Variants in PAK4 observed in about 807,000 individuals in gnomAD.
The protein encoded by PAK4 is serine/threonine-protein kinase PAK 4.
In PAK4, 49 loss-of-function variants were observed where a neutral mutation model predicts 53.5. That is an observed-to-expected ratio of 0.92 (90% CI 0.73 to 1.16). The LOEUF (loss-of-function observed/expected upper bound fraction) is 1.16, where lower values mean the gene tolerates loss of function less well. PAK4 is among the 50% of genes most tolerant of loss of function. The pLI is 0.00. For missense variants in PAK4, 824 were observed against 850.7 expected, an observed-to-expected ratio of 0.97 and a Z score of 0.39; for synonymous variants, 376 against 375.6, an observed-to-expected ratio of 1.00 and a Z score of -0.01.
chr19:39,176,810 G>T (rs2074615305), intron 7 of PAK4, 95 bp downstream of exon 8: 1 of 1,455,208 alleles, frequency 6.9e-7, no homozygotes, highest in Admixed American at 1.8e-5. Context: ...CCAGTCTGGG[G>T]AGTCATTGCC....
chr19:39,153,592 C>CCGCCA (rs1049802608), intron 1 of PAK4, among the ~76,000 whole-genome samples: 6 of 152,202 alleles, frequency 3.9e-5, no homozygotes, highest in Admixed American at 1.3e-4. Context: ...CAGGCGCCTA[C>CCGCCA]CGCCACGCCA....
chr19:39,147,477 G>A (rs1049465372), intron 1 of PAK4, among the ~76,000 whole-genome samples: 2 of 152,154 alleles, frequency 1.3e-5, no homozygotes, highest in Admixed American at 6.5e-5. Flanking sequence ...AGAGGGTTTC[G>A]TGTGAATGTC....
intron 1 of PAK4, among the ~76,000 whole-genome samples, chr19:39,158,153 G>A (rs928606406): frequency 2.0e-5 from 3 of 151,244 alleles, no homozygotes; most frequent in Non-Finnish European, 4.4e-5. Context: ...GTGCGTGTGT[G>A]CACATGTGTG....
chr19:39,126,983 C>T (rs1046694563), intron 1 of PAK4, among the ~76,000 whole-genome samples: 10 of 152,132 alleles, frequency 6.6e-5, no homozygotes, highest in Non-Finnish European at 8.8e-5. Context: ...TTAGGTCTCT[C>T]CTGGAAGCAG....
In PAK4 at chr19:39,173,959, CAAG is replaced by C; in HGVS notation, c.1052_1054del (p.Lys351del). 1 of 1,610,234 alleles carries C rather than the reference CAAG, an allele frequency of 6.2e-7. No homozygotes were observed. The highest frequency in any genetic ancestry group is 8.5e-7 in the Non-Finnish European group (1 of 1,179,228). ...GCAGCTCGGGCAAGCTGGTGGCCGTCAAGAAGATGGACCTGCGCAAGCAGCAGA... is the reference window on the plus strand; with the variant it reads ...GCAGCTCGGGCAAGCTGGTGGCCGTCAAGATGGACCTGCGCAAGCAGCAGA... On this transcript the variant is annotated inframe_deletion, in exon 4 of 9. Transcript: ENST00000358301. This position sits in a 1 kb window ranked among gnomAD's most constrained non-coding sequence, Gnocchi z 6.9.
chr19:39,157,224 G>A (rs1412314550), intron 1 of PAK4, among the ~76,000 whole-genome samples: 1 of 151,870 alleles, frequency 6.6e-6, no homozygotes, highest in Non-Finnish European at 1.5e-5. Flanking sequence ...GGGGTCGGGG[G>A]GGTGCCTCCT....
chr19:39,167,393 G>T (rs2074395025), intron 1 of PAK4, among the ~76,000 whole-genome samples: 1 of 152,174 alleles, frequency 6.6e-6, no homozygotes, highest in Admixed American at 6.5e-5. Flanking sequence ...TGGGGTATGT[G>T]GATGACCCTG....
chr19:39,164,234 G>GC (rs1463748445), intron 1 of PAK4, among the ~76,000 whole-genome samples: 2 of 145,218 alleles, frequency 1.4e-5, no homozygotes, highest in African/African-American at 2.6e-5. Flanking sequence ...CCAAGATCAT[G>GC]CCATTGCACT....
At chr19:39,176,613 C>T in exon 7 of PAK4, 1 of 1,613,878 alleles carries the variant, frequency 6.2e-7, no homozygotes, top group Non-Finnish European at 8.5e-7. Flanking sequence ...ACTTTGGGTT[C>T]TGCGCCCAGG....
rs774548522 is a variant in PAK4 at position 39,151,926 on chromosome 19, G to A, written c.-22-17606G>A. On this transcript the variant is annotated intron_variant, in intron 1 of 8. Transcript: ENST00000358301. ...TGGGATTACAGGCATGCGCCACCACGCGCAGCTAATTTTTGTATTTTTAGT... is the reference window on the plus strand; with the variant it reads ...TGGGATTACAGGCATGCGCCACCACACGCAGCTAATTTTTGTATTTTTAGT... Among the ~76,000 whole-genome samples the A allele has an allele frequency of 5.3e-4, 80 of 152,034 alleles. 1 individual carries two copies. Among genetic ancestry groups the A allele is most frequent in the Admixed American group, 3.3e-4 (5 of 15,270 alleles).
chr19:39,160,225 C>G (rs1032443476), intron 1 of PAK4, among the ~76,000 whole-genome samples: 23 of 152,348 alleles, frequency 1.5e-4, no homozygotes, highest in African/African-American at 5.1e-4. Context: ...GTGTCTGTCT[C>G]GGCCCCATCC....
At chr19:39,155,466 G>A (rs533197551) in intron 1 of PAK4, among the ~76,000 whole-genome samples, 2 of 152,234 alleles carry the variant, frequency 1.3e-5, no homozygotes, top group South Asian at 4.1e-4. Flanking sequence ...GGGCTTCGTG[G>A]AGGAGCAGGT....
At chr19:39,160,635 C>T (rs765536785) in intron 1 of PAK4, among the ~76,000 whole-genome samples, 2 of 152,148 alleles carry the variant, frequency 1.3e-5, no homozygotes, top group Non-Finnish European at 2.9e-5. Context: ...AAGACATACA[C>T]GGAGGCAGCC....
chr19:39,180,455 T>G (rs569361496), downstream of PAK4: 1 of 152,270 alleles, frequency 6.6e-6, no homozygotes, highest in African/African-American at 2.4e-5. Flanking sequence ...GATTTTTTTT[T>G]TTTTTTTGAG....
At chr19:39,143,325 T>C (rs2073941253) in intron 1 of PAK4, among the ~76,000 whole-genome samples, 1 of 144,640 alleles carries the variant, frequency 6.9e-6, no homozygotes, top group Non-Finnish European at 1.5e-5. Flanking sequence ...GTGTGGTGGC[T>C]CACGCCTGTA....
chr19:39,155,045 G>A lies in PAK4; in HGVS notation c.-22-14487G>A, dbSNP rs545788119. Among the ~76,000 whole-genome samples, 592 of 152,310 alleles carry A rather than the reference G, an allele frequency of 3.9e-3. 3 individuals carry two copies. Among genetic ancestry groups the A allele is most frequent in the Non-Finnish European group, 6.4e-3 (433 of 68,010 alleles). ...CTTGAGGAGTTGGCTGCAGGGGCAG[G>A]GGTGTGCCAGAGCAGGGTAGTGGGA... On this transcript the variant is annotated intron_variant, in intron 1 of 8. Coordinates refer to ENST00000358301, the Ensembl canonical transcript of PAK4.
exon 2 of PAK4, chr19:39,169,553 C>T: frequency 1.9e-6 from 3 of 1,612,598 alleles, no homozygotes; most frequent in Non-Finnish European, 2.5e-6. Context: ...TCCCCGGCAC[C>T]ATGTTTGGGA....
chr19:39,157,260 A>G (rs1483276389), intron 1 of PAK4, among the ~76,000 whole-genome samples: 1 of 151,552 alleles, frequency 6.6e-6, no homozygotes, highest in Non-Finnish European at 1.5e-5. Context: ...CTTGGGGGTT[A>G]TTCCTAGGTG....
In PAK4 at chr19:39,173,779, C is replaced by A; in HGVS notation, c.867C>A (p.Pro289=). ...CTGCTGTTCCTGGGCCCCCTGGCCC[C>A]CGCTCACCACAGCGGGAGCCACAGC... Residue 289 remains proline (P), a synonymous_variant, in exon 4 of 9, where the codon CCC becomes CCA. Coordinates refer to ENST00000358301, the Ensembl canonical transcript of PAK4. This position sits in a 1 kb window ranked among gnomAD's most constrained non-coding sequence, Gnocchi z 6.9. The A allele has an allele frequency of 3.1e-6, 5 of 1,601,828 alleles. No individual in the cohort carries two copies. Among genetic ancestry groups the A allele is most frequent in the Non-Finnish European group, 4.3e-6 (5 of 1,175,638 alleles).
Sources: allele counts gnomAD v4.1 joint callset (sites outside exome capture counted in the v4.1 genomes callset), GRCh38; gene constraint gnomAD v4.1.1; non-coding constraint Gnocchi (gnomAD v3.1); transcripts MANE v1.5; gene names NCBI Gene and HGNC (gene_info 2026-07-23, HGNC 2026-07-21).